The following CFAP95 variants were observed in gnomAD, a reference collection of about 807,000 sequenced individuals.
CFAP95 encodes cilia- and flagella-associated protein 95.
the CFAP95 span, among the ~76,000 whole-genome samples, chr9:69,894,024 A>T: frequency 1.3e-5 from 2 of 152,214 alleles, no homozygotes; most frequent in African/African-American, 4.8e-5. Flanking sequence ...AATCCCTGCC[A>T]GAGTGTCCCA....
the CFAP95 span, among the ~76,000 whole-genome samples, chr9:69,877,382 G>T: frequency 6.3e-4 from 96 of 152,272 alleles, no homozygotes; most frequent in Middle Eastern, 3.4e-3. Flanking sequence ...TGTTTAGATT[G>T]GAAGTGCTTT....
the CFAP95 span, among the ~76,000 whole-genome samples, chr9:69,867,204 C>T: frequency 6.6e-6 from 1 of 151,918 alleles, no homozygotes; most frequent in Non-Finnish European, 1.5e-5. Context: ...GTAACAATAA[C>T]CTATTCTATC....
chr9:69,875,964 G>A, the CFAP95 span, among the ~76,000 whole-genome samples: 3 of 152,166 alleles, frequency 2.0e-5, no homozygotes, highest in South Asian at 2.1e-4. Context: ...ATATATGTAA[G>A]AGTTTCTTTA....
chr9:69,877,501 T>C, the CFAP95 span, among the ~76,000 whole-genome samples: 2 of 152,380 alleles, frequency 1.3e-5, no homozygotes, highest in African/African-American at 2.4e-5. Flanking sequence ...AAATGACTTG[T>C]ATATCTTCTG....
chr9:69,884,740 T>C, the CFAP95 span: 1 of 152,136 alleles, frequency 6.6e-6, no homozygotes, highest in Non-Finnish European at 1.5e-5. Flanking sequence ...CCTTTATTTT[T>C]ATTATAATTG....
At chr9:69,887,651 A>C in the CFAP95 span, among the ~76,000 whole-genome samples, 1 of 152,234 alleles carries the variant, frequency 6.6e-6, no homozygotes, top group Non-Finnish European at 1.5e-5. Flanking sequence ...ATAATGTGGC[A>C]GTTTATCTCC....
the CFAP95 span, among the ~76,000 whole-genome samples, chr9:69,901,018 CCTCCA>C: frequency 6.6e-6 from 1 of 152,076 alleles, no homozygotes; most frequent in South Asian, 2.1e-4. Flanking sequence ...CTCCCGCCTC[CCTCCA>C]CTCCACAACA....
the CFAP95 span, among the ~76,000 whole-genome samples, chr9:69,888,882 A>AG: frequency 8.2e-4 from 77 of 93,590 alleles, no homozygotes; most frequent in South Asian, 3.7e-4. Context: ...GGTCTCAAAA[A>AG]GGGAAAAAAA....
At chr9:69,859,776 A>G in the CFAP95 span, among the ~76,000 whole-genome samples, 1 of 152,234 alleles carries the variant, frequency 6.6e-6, no homozygotes, top group Non-Finnish European at 1.5e-5. Context: ...CAGATGGTCT[A>G]GCCTACTACA....
At chr9:69,891,280 T>G in the CFAP95 span, among the ~76,000 whole-genome samples, 35 of 152,172 alleles carry the variant, frequency 2.3e-4, no homozygotes, top group Non-Finnish European at 5.9e-5. Flanking sequence ...CTGGTATGGA[T>G]GTGGCATTGC....
At chr9:69,905,899 ACTT>A in the CFAP95 span, 1 of 1,265,794 alleles carries the variant, frequency 7.9e-7, no homozygotes, top group Non-Finnish European at 1.0e-6. Context: ...TTTGAAGATT[ACTT>A]CTTTTTACAT....
the CFAP95 span, chr9:69,905,903 C>CT: frequency 7.6e-7 from 1 of 1,310,398 alleles, no homozygotes; most frequent in Non-Finnish European, 1.0e-6. Context: ...AAGATTACTT[C>CT]TTTTTACATA....
At chr9:69,874,191 A>T in the CFAP95 span, among the ~76,000 whole-genome samples, 3 of 152,036 alleles carry the variant, frequency 2.0e-5, no homozygotes, top group East Asian at 5.8e-4. Context: ...TATCTGACAC[A>T]TGGAGATCAA....
At chr9:69,839,857 C>G in the CFAP95 span, among the ~76,000 whole-genome samples, 1 of 151,256 alleles carries the variant, frequency 6.6e-6, no homozygotes, top group African/African-American at 2.4e-5. Flanking sequence ...GGGTGGATCA[C>G]CGAAGGTCAG....
chr9:69,882,385 T>C, the CFAP95 span, among the ~76,000 whole-genome samples: 3 of 152,256 alleles, frequency 2.0e-5, no homozygotes, highest in Admixed American at 6.5e-5. Context: ...GATCATGTCA[T>C]GTGCAAACAA....
the CFAP95 span, among the ~76,000 whole-genome samples, chr9:69,828,450 G>A: frequency 1.3e-5 from 2 of 152,240 alleles, no homozygotes; most frequent in African/African-American, 4.8e-5. Flanking sequence ...GGAAGCCAAG[G>A]TGAGGGGATC....
At chr9:69,856,829 T>C in the CFAP95 span, among the ~76,000 whole-genome samples, 1 of 152,130 alleles carries the variant, frequency 6.6e-6, no homozygotes. Context: ...TGCTGTTCTC[T>C]CTGTTTGGGA....
chr9:69,878,644 G>C, the CFAP95 span, among the ~76,000 whole-genome samples: 3 of 152,256 alleles, frequency 2.0e-5, no homozygotes, highest in Admixed American at 1.3e-4. Flanking sequence ...GGAACCAAAG[G>C]GTTGAGAAAT....
chr9:69,847,687 C>G, the CFAP95 span, among the ~76,000 whole-genome samples: 2 of 152,310 alleles, frequency 1.3e-5, no homozygotes, highest in Middle Eastern at 3.4e-3. Flanking sequence ...CTGGCTAGCC[C>G]TATTCCCATC....
Sources: allele counts gnomAD v4.1 joint callset (sites outside exome capture counted in the v4.1 genomes callset), GRCh38; gene constraint gnomAD v4.1.1; transcripts MANE v1.5; gene names NCBI Gene and HGNC (gene_info 2026-07-23, HGNC 2026-07-21).